FSTL5: variants seen among roughly 807,000 people sequenced by gnomAD.
FSTL5 encodes follistatin like 5.
Under a neutral mutation model 89.1 loss-of-function variants are expected in FSTL5, and 62 were observed. That is an observed-to-expected ratio of 0.70 (90% CI 0.57 to 0.86). The LOEUF is 0.86. Among genes scored for constraint, FSTL5 ranks in the 40% least tolerant of loss-of-function variants. The pLI, the probability that FSTL5 is intolerant of heterozygous loss-of-function variation, is 0.00. For synonymous variants in FSTL5, 383 were observed against 346.2 expected, an observed-to-expected ratio of 1.11 and a Z score of -1.18; for missense variants, 1,057 against 1,001.6, an observed-to-expected ratio of 1.06 and a Z score of -0.75.
chr4:162,047,125 C>T (rs1276266748), intron 2 of FSTL5, among the ~76,000 whole-genome samples: 1 of 152,066 alleles, frequency 6.6e-6, no homozygotes, highest in East Asian at 1.9e-4. Flanking sequence ...ACTCTGGGCA[C>T]AGGCAACTAA....
At chr4:161,779,762 T>TATATATATATATATATATATATAG (rs1741557876) in intron 4 of FSTL5, among the ~76,000 whole-genome samples, 1 of 61,300 alleles carries the variant, frequency 1.6e-5, no homozygotes, top group Non-Finnish European at 4.4e-5. Flanking sequence ...TGTAAAGTTA[T>TATATATATATATATATATATATAG]ATATATATAT....
intron 4 of FSTL5, among the ~76,000 whole-genome samples, chr4:161,839,594 T>G (rs1731149518): frequency 1.3e-5 from 2 of 152,180 alleles, no homozygotes; most frequent in Non-Finnish European, 2.9e-5. Context: ...ATAAAATAAT[T>G]CTGACAAAAA....
chr4:161,679,152 T>C (rs1011458440), intron 6 of FSTL5, among the ~76,000 whole-genome samples: 8 of 151,574 alleles, frequency 5.3e-5, no homozygotes, highest in African/African-American at 1.9e-4. Context: ...TCATGGATGA[T>C]GCAAAATTGG....
At chr4:161,424,742 G>T (rs1732113716) in intron 15 of FSTL5, among the ~76,000 whole-genome samples, 1 of 152,094 alleles carries the variant, frequency 6.6e-6, no homozygotes, top group South Asian at 2.1e-4. Context: ...TCCTGTACTA[G>T]GTCCTAGCAG....
intron 3 of FSTL5, among the ~76,000 whole-genome samples, chr4:161,993,746 T>G (rs1578927965): frequency 1.3e-5 from 2 of 149,060 alleles, no homozygotes; most frequent in East Asian, 4.0e-4. Flanking sequence ...AAGTGAAGGT[T>G]AATATGATAA....
At chr4:161,446,644 T>C (rs1560899229) in intron 15 of FSTL5, among the ~76,000 whole-genome samples, 1 of 152,126 alleles carries the variant, frequency 6.6e-6, no homozygotes, top group Non-Finnish European at 1.5e-5. Flanking sequence ...ATGCTATATA[T>C]GATTGATTCA....
At chr4:161,987,904 G>GT (rs1736011314) in intron 3 of FSTL5, among the ~76,000 whole-genome samples, 1 of 151,386 alleles carries the variant, frequency 6.6e-6, no homozygotes, top group Non-Finnish European at 1.5e-5. Context: ...AAAAACTTAG[G>GT]TTTTATCTTA....
At chr4:161,401,720 G>A (rs773721882) in intron 15 of FSTL5, among the ~76,000 whole-genome samples, 2 of 151,896 alleles carry the variant, frequency 1.3e-5, no homozygotes, top group Non-Finnish European at 2.9e-5. Context: ...CTAGAGATGG[G>A]ATTTCACCGT....
chr4:161,528,523 G>A (rs1263579324), intron 10 of FSTL5, among the ~76,000 whole-genome samples: 1 of 142,580 alleles, frequency 7.0e-6, no homozygotes, highest in Non-Finnish European at 1.5e-5. Context: ...TGTATAATCT[G>A]GGCTGTTGGC....
chr4:161,503,214 C>T (rs1230750751), intron 11 of FSTL5, among the ~76,000 whole-genome samples: 2 of 151,762 alleles, frequency 1.3e-5, no homozygotes, highest in East Asian at 3.9e-4. Flanking sequence ...AGCAGAGTAA[C>T]TCACACACAG....
At chr4:161,600,942 G>A (rs1174680464) in intron 7 of FSTL5, among the ~76,000 whole-genome samples, 1 of 152,024 alleles carries the variant, frequency 6.6e-6, no homozygotes, top group Non-Finnish European at 1.5e-5. Context: ...CAAATCCCAG[G>A]AACCCTGGTG....
At chr4:161,389,170 T>G (rs2110869815) in intron 15 of FSTL5, among the ~76,000 whole-genome samples, 1 of 152,226 alleles carries the variant, frequency 6.6e-6, no homozygotes, top group South Asian at 2.1e-4. Context: ...CTCTGATTAA[T>G]ATTTACGAGG....
chr4:162,148,772 G>A (rs925325396), intron 1 of FSTL5, among the ~76,000 whole-genome samples: 2 of 152,058 alleles, frequency 1.3e-5, no homozygotes, highest in Non-Finnish European at 2.9e-5. Flanking sequence ...TATTTTCTGA[G>A]TCAGGCATTA....
At chr4:162,147,773 G>T (rs1371246943) in intron 1 of FSTL5, among the ~76,000 whole-genome samples, 2 of 152,158 alleles carry the variant, frequency 1.3e-5, no homozygotes, top group Non-Finnish European at 2.9e-5. Context: ...AGCGCTTTGG[G>T]TGGCTGAGGT....
intron 8 of FSTL5, 135 bp downstream of exon 8, chr4:161,587,320 T>C: frequency 1.5e-6 from 1 of 678,786 alleles, no homozygotes; most frequent in Non-Finnish European, 2.4e-6. Context: ...CTTAAAAAAC[T>C]TTTACATTAT....
intron 4 of FSTL5, among the ~76,000 whole-genome samples, chr4:161,862,124 C>G (rs772738918): frequency 6.6e-6 from 1 of 152,150 alleles, no homozygotes; most frequent in Non-Finnish European, 1.5e-5. Flanking sequence ...GATAAAGTGT[C>G]TTTGATAATC....
intron 15 of FSTL5, among the ~76,000 whole-genome samples, chr4:161,402,580 T>G (rs1731218605): frequency 6.6e-6 from 1 of 152,190 alleles, no homozygotes; most frequent in Non-Finnish European, 1.5e-5. Flanking sequence ...CAATCTAGTG[T>G]TCTTCCTTGT....
intron 3 of FSTL5, among the ~76,000 whole-genome samples, chr4:161,964,793 C>G (rs1212745096): frequency 6.6e-6 from 1 of 151,958 alleles, no homozygotes; most frequent in East Asian, 1.9e-4. Context: ...TTTTTGGCTT[C>G]TATATGTAAC....
Position 161,721,210 on chromosome 4 carries a change from G to A in FSTL5, c.727+38201C>T, listed in dbSNP as rs916476027. Among the ~76,000 whole-genome samples the A allele has an allele frequency of 8.7e-5, 13 of 149,616 alleles. No homozygotes were observed. The South Asian group carries it at 1.3e-3, about 14-fold the overall frequency. On this transcript the variant is annotated intron_variant, in intron 6 of 15. Transcript: ENST00000306100. ...GGAGAATGGCGTGAACCCGGGAAGC[G>A]GAGCTTGCAGTGAGCCGAGATTGCG...
Sources: allele counts gnomAD v4.1 joint callset (sites outside exome capture counted in the v4.1 genomes callset), GRCh38; gene constraint gnomAD v4.1.1; transcripts MANE v1.5; gene names NCBI Gene and HGNC (gene_info 2026-07-23, HGNC 2026-07-21).